The following ATP8A2 variants were observed in gnomAD, a reference collection of about 807,000 sequenced individuals.
ATP8A2 encodes the protein phospholipid-transporting ATPase IB.
A neutral mutation model predicts 165.6 loss-of-function variants in ATP8A2; 100 were observed. The observed-to-expected ratio is 0.60, with a 90% CI of 0.51 to 0.71. The LOEUF is 0.71. ATP8A2 is among the 30% of genes least tolerant of loss of function. ATP8A2 has a pLI of 0.00. For missense variants in ATP8A2, 1,227 were observed against 1,479.5 expected, an observed-to-expected ratio of 0.83 and a Z score of 2.80; for synonymous variants, 543 against 548.8, an observed-to-expected ratio of 0.99 and a Z score of 0.15.
intron 2 of ATP8A2, among the ~76,000 whole-genome samples, chr13:25,477,363 A>G (rs1012115072): frequency 1.3e-5 from 2 of 152,248 alleles, no homozygotes; most frequent in Admixed American, 6.5e-5. Context: ...ATTAAGCATC[A>G]GGATTTGTGA....
intron 24 of ATP8A2, among the ~76,000 whole-genome samples, chr13:25,650,271 G>A (rs67063616): frequency 0.089 from 13,606 of 152,174 alleles, 660 homozygotes; most frequent in Non-Finnish European, 0.12. Context: ...AGGCGTTCTT[G>A]TCTGTGGATA....
At chr13:25,473,598 A>G (rs2035908416) in intron 2 of ATP8A2, among the ~76,000 whole-genome samples, 1 of 152,208 alleles carries the variant, frequency 6.6e-6, no homozygotes, top group African/African-American at 2.4e-5. Context: ...TTCATTGTGC[A>G]ACTATCATCA....
intron 27 of ATP8A2, among the ~76,000 whole-genome samples, chr13:25,818,531 C>T (rs1951084220): frequency 1.3e-5 from 2 of 152,146 alleles, no homozygotes; most frequent in African/African-American, 4.8e-5. Context: ...CCCCGATTTC[C>T]TCATTTGTGA....
chr13:25,670,079 C>G (rs940448632), intron 24 of ATP8A2, among the ~76,000 whole-genome samples: 1 of 152,128 alleles, frequency 6.6e-6, no homozygotes, highest in South Asian at 2.1e-4. Context: ...AATCCAGCTG[C>G]CTTTTTCTTC....
At chr13:25,503,734 A>G (rs1593414601) in intron 2 of ATP8A2, among the ~76,000 whole-genome samples, 1 of 152,326 alleles carries the variant, frequency 6.6e-6, no homozygotes, top group South Asian at 2.1e-4. Flanking sequence ...AAGAAAATTA[A>G]GGTCCTCGGG....
intron 33 of ATP8A2, among the ~76,000 whole-genome samples, chr13:25,939,637 G>A (rs1360119424): frequency 6.6e-6 from 1 of 151,696 alleles, no homozygotes; most frequent in African/African-American, 2.4e-5. Flanking sequence ...TGGCTCCTGG[G>A]AGGTCCATGT....
Position 25,711,644 on chromosome 13 carries a change from G to A in ATP8A2, c.2384+12299G>A, listed in dbSNP as rs190048326. On this transcript the variant is annotated intron_variant, in intron 25 of 36. Coordinates refer to ENST00000381655, the MANE Select transcript of ATP8A2 (RefSeq NM_016529.6). The stretch of plus-strand genomic sequence containing the variant: ...GAGTTCATATGCAAGGTAGAGGCCC[G>A]TGTAATACTTCAATTTAGCACATGT... Among the ~76,000 whole-genome samples, 33 of 152,262 alleles carry A rather than the reference G, an allele frequency of 2.2e-4. 1 individual carries two copies. The highest frequency in any genetic ancestry group is 4.1e-4 in the African/African-American group (17 of 41,550).
intron 35 of ATP8A2, among the ~76,000 whole-genome samples, chr13:25,969,244 G>T (rs1955858693): frequency 6.6e-6 from 1 of 152,120 alleles, no homozygotes; most frequent in Non-Finnish European, 1.5e-5. Context: ...CTGAACATGA[G>T]CCTGCCCTTC....
intron 2 of ATP8A2, among the ~76,000 whole-genome samples, chr13:25,524,726 G>A (rs1011380334): frequency 1.9e-4 from 29 of 151,828 alleles, no homozygotes; most frequent in African/African-American, 5.3e-4. Context: ...AGGTGATATC[G>A]GTTTCTTGTA....
At chr13:25,817,061 C>G (rs1030326578) in intron 27 of ATP8A2, among the ~76,000 whole-genome samples, 1 of 152,090 alleles carries the variant, frequency 6.6e-6, no homozygotes, top group African/African-American at 2.4e-5. Context: ...GCCACTGTTC[C>G]AACACCAGGA....
intron 27 of ATP8A2, among the ~76,000 whole-genome samples, chr13:25,818,688 AGT>A (rs1249331344): frequency 6.6e-6 from 1 of 152,192 alleles, no homozygotes; most frequent in Non-Finnish European, 1.5e-5. Flanking sequence ...ACTGTTCTGC[AGT>A]GTGTGGTTTT....
intron 33 of ATP8A2, among the ~76,000 whole-genome samples, chr13:25,927,630 C>A (rs990892917): frequency 1.3e-5 from 2 of 152,206 alleles, no homozygotes; most frequent in African/African-American, 4.8e-5. Context: ...GTTATTAGTT[C>A]TTCATAGCAA....
At chr13:25,673,344 CAAG>C (rs1338575608) in intron 24 of ATP8A2, among the ~76,000 whole-genome samples, 5 of 152,254 alleles carry the variant, frequency 3.3e-5, no homozygotes, top group Non-Finnish European at 5.9e-5. Flanking sequence ...GGATAGGATA[CAAG>C]AAGATTACCC....
At chr13:25,548,126 T>C (rs1474618915) in intron 10 of ATP8A2, among the ~76,000 whole-genome samples, 1 of 152,122 alleles carries the variant, frequency 6.6e-6, no homozygotes, top group East Asian at 1.9e-4. Flanking sequence ...CTATGGAGGC[T>C]GAGGCAGAAG....
chr13:25,582,121 C>G (rs533615580), intron 23 of ATP8A2, among the ~76,000 whole-genome samples, 164 bp downstream of exon 23: 1 of 152,152 alleles, frequency 6.6e-6, no homozygotes, highest in Non-Finnish European at 1.5e-5. Context: ...AATGAAGATG[C>G]CTCCATGCCT....
chr13:25,539,900 G>A (rs532426865), intron 7 of ATP8A2, among the ~76,000 whole-genome samples: 28 of 152,338 alleles, frequency 1.8e-4, no homozygotes, highest in East Asian at 3.9e-4. Flanking sequence ...TCCTCTGGCT[G>A]TTGTTTTCTT....
At chr13:25,966,890 C>G (rs1955788680) in intron 34 of ATP8A2, among the ~76,000 whole-genome samples, 1 of 152,188 alleles carries the variant, frequency 6.6e-6, no homozygotes, top group African/African-American at 2.4e-5. Flanking sequence ...TGTTCTACCC[C>G]TGTGCAGGGG....
chr13:25,859,255 G>T (rs1425108930), intron 30 of ATP8A2, among the ~76,000 whole-genome samples: 2 of 151,780 alleles, frequency 1.3e-5, no homozygotes, highest in African/African-American at 4.8e-5. Flanking sequence ...CTACCCATTG[G>T]GTACTATGCT....
At chr13:26,012,650 A>C (rs9553698) in intron 36 of ATP8A2, 28 bp downstream of exon 36, 461,023 of 1,322,064 alleles carry the variant, frequency 0.35, 76,802 homozygotes, top group Non-Finnish European at 0.37. Context: ...GGGCTGATGG[A>C]GGAGTGGGTG....
Sources: gnomAD v4.1 joint callset for allele counts (sites outside exome capture counted in the v4.1 genomes callset) on GRCh38, gnomAD v4.1.1 for gene constraint, MANE v1.5 for transcripts, NCBI Gene and HGNC (gene_info 2026-07-23, HGNC 2026-07-21) for gene names.